The following ECE1 variants were observed in gnomAD, a reference collection of about 807,000 sequenced individuals.
The protein encoded by ECE1 is endothelin converting enzyme 1.
ECE1 carries 35 observed loss-of-function variants against 98.6 expected under a neutral mutation model. The ratio of observed to expected loss-of-function variants is 0.35; its 90% CI spans 0.27 to 0.47. ECE1 has a LOEUF of 0.47. ECE1 is among the 20% of genes least tolerant of loss of function. The probability of loss-of-function intolerance (pLI) is 1.00; values close to 1 mark genes in which losing one functional copy is unlikely to be tolerated. For missense variants in ECE1, 814 were observed against 1,025.3 expected, an observed-to-expected ratio of 0.79 and a Z score of 2.81; for synonymous variants, 394 against 407.1, an observed-to-expected ratio of 0.97 and a Z score of 0.39.
chr1:21,290,289 G>A lies in ECE1; in HGVS notation c.51+75C>T. 3 of 1,260,670 alleles carry A rather than the reference G, an allele frequency of 2.4e-6. No individual in the cohort carries two copies. The highest frequency in any genetic ancestry group is 2.8e-5 in the South Asian group (1 of 35,666). The allele number at this position is 1,260,670 out of a possible 1,614,324, so 78.1% of individuals were successfully genotyped here. A position where few individuals can be genotyped will look rare whatever the true frequency, so the allele number is the denominator to read the frequency against. ...GCCTGGACACCCGAGACCGAGACCG[G>A]CCCACGGAGCGGCCCGCGCGGGGAG... On this transcript the variant is annotated intron_variant, in intron 1 of 18. Transcript: ENST00000374893. The surrounding 1 kb of genome is among the most constrained non-coding windows in gnomAD (Gnocchi z 7.3).
Position 21,315,789 on chromosome 1 carries a change from C to CAAAAAA in ECE1, c.4-25639_4-25634dup, listed in dbSNP as rs754647376. ...TGGGTGACAGAGCAAGACTCTGTCT[C>CAAAAAA]AAAAAAAAAAAAAAAAAAAAAAAGC... On this transcript the variant is annotated intron_variant, in intron 1 of 18. Transcript: ENST00000415912. Among the ~76,000 whole-genome samples the CAAAAAA allele has an allele frequency of 1.6e-3, 77 of 47,274 alleles. 1 individual carries two copies. Among genetic ancestry groups the CAAAAAA allele is most frequent in the African/African-American group, 4.9e-3 (62 of 12,706 alleles). The allele number at this position is 47,274 out of a possible 152,430, so 31.0% of individuals were successfully genotyped here.
chr1:21,284,988 G>A (rs373888124), intron 2 of ECE1, among the ~76,000 whole-genome samples: 1 of 152,120 alleles, frequency 6.6e-6, no homozygotes, highest in African/African-American at 2.4e-5. Flanking sequence ...CCCTGCCTCC[G>A]AAAGTTCCCC....
In ECE1 at chr1:21,221,604, T is replaced by A. The variant is rs188884807; in HGVS notation, c.2136+143A>T. 3.4e-6 allele frequency: 3 copies of A among 882,282 alleles called. No homozygotes were observed. In the Admixed American group the frequency reaches 5.2e-5, roughly 15 times the overall value. The allele number at this position is 882,282 out of a possible 1,614,324, so 54.7% of individuals were successfully genotyped here. A position where few individuals can be genotyped will look rare whatever the true frequency, so the allele number is the denominator to read the frequency against. ...TGGGCCCTTCCGTGCATCTCTCTAA[T>A]GACAGGGCACATGTGCTGTGCACAG... On this transcript the variant is annotated intron_variant, in intron 18 of 18. Transcript: ENST00000374893.
chr1:21,271,036 T>G (rs768371839), intron 4 of ECE1, among the ~76,000 whole-genome samples: 1 of 152,234 alleles, frequency 6.6e-6, no homozygotes, highest in Non-Finnish European at 1.5e-5. Flanking sequence ...AATGAAAAGC[T>G]GCATGCCCTT....
At chr1:21,318,021 G>T (rs1211339772) in intron 1 of ECE1, among the ~76,000 whole-genome samples, 1 of 152,234 alleles carries the variant, frequency 6.6e-6, no homozygotes, top group Non-Finnish European at 1.5e-5. Flanking sequence ...CCCCTCCAAG[G>T]TGCACCTTGA....
chr1:21,241,724 C>G (rs1035995600), intron 10 of ECE1, among the ~76,000 whole-genome samples: 1 of 152,312 alleles, frequency 6.6e-6, no homozygotes, highest in East Asian at 1.9e-4. Context: ...CGCACCCGGC[C>G]TGAGGTGGAA....
chr1:21,295,169 T>C (rs1344146535), upstream of ECE1, among the ~76,000 whole-genome samples: 5 of 152,194 alleles, frequency 3.3e-5, no homozygotes, highest in African/African-American at 1.2e-4. Flanking sequence ...ATGATAACAA[T>C]AGTACCTCCC....
intron 10 of ECE1, among the ~76,000 whole-genome samples, chr1:21,242,666 C>A (rs1331711369): frequency 6.6e-6 from 1 of 152,186 alleles, no homozygotes; most frequent in Admixed American, 6.5e-5. Context: ...TCCCACTTGC[C>A]CTTGCCTCTC....
chr1:21,316,326 T>G (rs1039817472), intron 1 of ECE1, among the ~76,000 whole-genome samples: 1 of 152,216 alleles, frequency 6.6e-6, no homozygotes, highest in Non-Finnish European at 1.5e-5. Flanking sequence ...TGGAGTGCAG[T>G]GGCACGATCT....
chr1:21,308,480 G>A lies in ECE1; in HGVS notation c.4-18324C>T, dbSNP rs10916960. 2.4e-3 allele frequency among the ~76,000 whole-genome samples: 364 copies of A among 152,310 alleles called. 1 individual carries two copies. The highest frequency in any genetic ancestry group is 8.5e-3 in the African/African-American group (353 of 41,568). On this transcript the variant is annotated intron_variant, in intron 1 of 18. Coordinates refer to the ECE1 transcript ENST00000415912. ...GGAAGGGAGGAAGGGCGTCTTGTGA[G>A]AGGGAGGGGCCAGGAGGCCTGAGGG...
rs192002242 is a variant in ECE1 at position 21,301,163 on chromosome 1, G to A, written c.4-11007C>T. On this transcript the variant is annotated intron_variant, in intron 1 of 18. Transcript: ENST00000415912. Reference sequence around the variant, plus strand: ...CTCACACATGGACCAAGCTTCCCTAGGCTGGCTTGGGGCTATGTCTGACTT... The same window carrying A: ...CTCACACATGGACCAAGCTTCCCTAAGCTGGCTTGGGGCTATGTCTGACTT... Among the ~76,000 whole-genome samples, 57 of 152,300 alleles carry A rather than the reference G, an allele frequency of 3.7e-4. 1 individual carries two copies. Among genetic ancestry groups the A allele is most frequent in the African/African-American group, 1.3e-3 (52 of 41,578 alleles).
At chr1:21,293,700 G>A (rs1387869862), upstream of ECE1, 1 of 152,092 alleles carries the variant, frequency 6.6e-6, no homozygotes, top group Non-Finnish European at 1.5e-5. Context: ...CACCTCAGAC[G>A]GGAAAGGCTT....
chr1:21,321,195 C>T (rs1638956411), intron 1 of ECE1, among the ~76,000 whole-genome samples: 1 of 152,166 alleles, frequency 6.6e-6, no homozygotes, highest in African/African-American at 2.4e-5. Flanking sequence ...TGACTCAAAG[C>T]CCACAATCTT....
chr1:21,251,898 C>T (rs2098213333), intron 8 of ECE1, among the ~76,000 whole-genome samples: 1 of 152,186 alleles, frequency 6.6e-6, no homozygotes, highest in Non-Finnish European at 1.5e-5. Context: ...TGCCCTCCTC[C>T]TGGTAGGAGG....
rs987024773 is a variant in ECE1 at position 21,235,118 on chromosome 1, C to T, written c.1566+732G>A. 4.6e-5 allele frequency among the ~76,000 whole-genome samples: 7 copies of T among 152,116 alleles called. No individual in the cohort carries two copies. The highest frequency in any genetic ancestry group is 1.0e-4 in the Non-Finnish European group (7 of 68,008). On this transcript the variant is annotated intron_variant, in intron 13 of 18. Transcript: ENST00000374893. This position sits in a 1 kb window ranked among gnomAD's most constrained non-coding sequence, Gnocchi z 4.2. Reference sequence around the variant, plus strand: ...TGAGCTGAGATAGCACCACTACACTCCAGTCTGGGCAACAGAATGAGACCC... The same window carrying T: ...TGAGCTGAGATAGCACCACTACACTTCAGTCTGGGCAACAGAATGAGACCC...
intron 1 of ECE1, among the ~76,000 whole-genome samples, chr1:21,328,441 T>C (rs1011624842): frequency 6.6e-6 from 1 of 152,222 alleles, no homozygotes. Context: ...CATTTACCTA[T>C]GCTGATATTT....
chr1:21,290,259 C>A lies in ECE1; in HGVS notation c.52-103G>T. 7 of 1,364,868 alleles carry A rather than the reference C, an allele frequency of 5.1e-6. No individual in the cohort carries two copies. The highest frequency in any genetic ancestry group is 6.6e-6 in the Non-Finnish European group (7 of 1,052,894). The allele number at this position is 1,364,868 out of a possible 1,614,324, so 84.5% of individuals were successfully genotyped here. ...CTGGCGCCGCCGCCGCCGCGCCCCG[C>A]CCCGGCCTGGACACCCGAGACCGAG... On this transcript the variant is annotated intron_variant, in intron 1 of 18. Transcript: ENST00000374893. This position sits in a 1 kb window ranked among gnomAD's most constrained non-coding sequence, Gnocchi z 7.3.
chr1:21,298,957 C>T, intron 1 of ECE1: 1 of 450,918 alleles, frequency 2.2e-6, no homozygotes, highest in South Asian at 1.6e-5. Context: ...CCCACAGATG[C>T]CCCTGCACCT....
chr1:21,297,364 G>A (rs1052103036), intron 1 of ECE1, among the ~76,000 whole-genome samples: 15 of 152,024 alleles, frequency 9.9e-5, no homozygotes, highest in Non-Finnish European at 1.6e-4. Context: ...CCACTTGCCT[G>A]GCAACCTCCA....
Sources: gnomAD v4.1 joint callset for allele counts (sites outside exome capture counted in the v4.1 genomes callset) on GRCh38, gnomAD v4.1.1 for gene constraint, Gnocchi (gnomAD v3.1) non-coding constraint, MANE v1.5 for transcripts, NCBI Gene and HGNC (gene_info 2026-07-23, HGNC 2026-07-21) for gene names.